The following CCDC91 variants were observed in gnomAD, a reference collection of about 807,000 sequenced individuals.
The protein encoded by CCDC91 is coiled-coil domain-containing protein 91.
In CCDC91, 48 loss-of-function variants were observed where a neutral mutation model predicts 63.2. The observed-to-expected ratio is 0.76, with a 90% CI of 0.60 to 0.97. The LOEUF (loss-of-function observed/expected upper bound fraction) is 0.97. CCDC91 is among the 50% of genes least tolerant of loss of function. The probability of loss-of-function intolerance (pLI) is 0.00; values close to 1 mark genes in which losing one functional copy is unlikely to be tolerated. For missense variants in CCDC91, 500 were observed against 494.6 expected, an observed-to-expected ratio of 1.01 and a Z score of -0.10; for synonymous variants, 167 against 165.8, an observed-to-expected ratio of 1.01 and a Z score of -0.06.
chr12:28,259,874 T>C (rs1202656702), intron 3 of CCDC91, among the ~76,000 whole-genome samples: 1 of 151,902 alleles, frequency 6.6e-6, no homozygotes, highest in African/African-American at 2.4e-5. Context: ...AAATTAAAAA[T>C]TAAATACAAA....
At chr12:28,351,378 A>G (rs1312724533) in intron 6 of CCDC91, among the ~76,000 whole-genome samples, 4 of 152,244 alleles carry the variant, frequency 2.6e-5, no homozygotes, top group Admixed American at 2.6e-4. Context: ...AGGAAAATTC[A>G]TTAGGTTTCA....
intron 1 of CCDC91, among the ~76,000 whole-genome samples, chr12:28,244,528 C>T (rs986045304): frequency 1.4e-4 from 6 of 41,684 alleles, no homozygotes; most frequent in African/African-American, 2.8e-4. Context: ...TTTTTTTTTA[C>T]AGCTCTACTC....
chr12:28,354,784 A>G (rs1461910647), intron 6 of CCDC91, among the ~76,000 whole-genome samples: 1 of 152,180 alleles, frequency 6.6e-6, no homozygotes. Context: ...ATACAATATT[A>G]CAAGAATTCT....
intron 1 of CCDC91, among the ~76,000 whole-genome samples, chr12:28,244,686 T>C (rs1005738383): frequency 3.3e-5 from 5 of 151,562 alleles, no homozygotes; most frequent in African/African-American, 1.2e-4. Context: ...AGGCAGTCAG[T>C]TGGAAAACTT....
intron 12 of CCDC91, among the ~76,000 whole-genome samples, chr12:28,521,916 A>G (rs1014544729): frequency 3.9e-5 from 6 of 152,140 alleles, no homozygotes; most frequent in Non-Finnish European, 7.3e-5. Context: ...CATCCCAGGG[A>G]TGAAGCCAAC....
At chr12:28,528,919 A>G (rs1348721944) in intron 12 of CCDC91, among the ~76,000 whole-genome samples, 1 of 152,180 alleles carries the variant, frequency 6.6e-6, no homozygotes, top group African/African-American at 2.4e-5. Context: ...CATTAAAAGA[A>G]TGATATTTAT....
At chr12:28,292,438 G>A (rs1284356877) in intron 3 of CCDC91, among the ~76,000 whole-genome samples, 1 of 152,112 alleles carries the variant, frequency 6.6e-6, no homozygotes, top group Non-Finnish European at 1.5e-5. Context: ...TCATTTAAGA[G>A]TTTAGGTGTC....
chr12:28,335,842 G>T (rs1941935687), intron 6 of CCDC91, among the ~76,000 whole-genome samples: 1 of 149,874 alleles, frequency 6.7e-6, no homozygotes, highest in African/African-American at 2.5e-5. Context: ...TTAACTCTGT[G>T]TTACCATATG....
At chr12:28,364,799 T>C (rs1297304020) in intron 7 of CCDC91, among the ~76,000 whole-genome samples, 1 of 152,248 alleles carries the variant, frequency 6.6e-6, no homozygotes, top group Non-Finnish European at 1.5e-5. Flanking sequence ...TGTTCTGTAA[T>C]GTACCACAAA....
intron 1 of CCDC91, among the ~76,000 whole-genome samples, chr12:28,194,028 G>C (rs1182772858): frequency 6.6e-6 from 1 of 152,184 alleles, no homozygotes; most frequent in African/African-American, 2.4e-5. Flanking sequence ...ATCTTTCAAA[G>C]AGCAGAAGTT....
chr12:28,252,195 C>T (rs1370668092), intron 1 of CCDC91, among the ~76,000 whole-genome samples: 2 of 152,118 alleles, frequency 1.3e-5, no homozygotes, highest in African/African-American at 4.8e-5. Context: ...CCTATTTTCT[C>T]TCTGGAAGCT....
At chr12:28,511,025 A>C (rs1939316454) in intron 12 of CCDC91, among the ~76,000 whole-genome samples, 1 of 151,912 alleles carries the variant, frequency 6.6e-6, no homozygotes, top group Non-Finnish European at 1.5e-5. Context: ...AAGTCTTCTG[A>C]AAAGGTCGAC....
intron 1 of CCDC91, among the ~76,000 whole-genome samples, chr12:28,244,045 A>G (rs1421493712): frequency 6.6e-6 from 1 of 152,226 alleles, no homozygotes; most frequent in Non-Finnish European, 1.5e-5. Context: ...ATTGAAACCA[A>G]CATTTAAAGA....
At chr12:28,477,221 A>G (rs1018407896) in intron 11 of CCDC91, among the ~76,000 whole-genome samples, 3 of 152,212 alleles carry the variant, frequency 2.0e-5, no homozygotes, top group African/African-American at 7.2e-5. Flanking sequence ...AAAGTCCTCA[A>G]TAAAATACTG....
intron 6 of CCDC91, among the ~76,000 whole-genome samples, chr12:28,330,799 C>A (rs1941438271): frequency 6.6e-6 from 1 of 152,224 alleles, no homozygotes; most frequent in Non-Finnish European, 1.5e-5. Flanking sequence ...AAATACTACA[C>A]TTTAGATTAT....
chr12:28,318,560 A>G (rs1351743273), intron 6 of CCDC91, among the ~76,000 whole-genome samples: 4 of 151,892 alleles, frequency 2.6e-5, no homozygotes, highest in African/African-American at 9.7e-5. Flanking sequence ...TTCTTTTTCA[A>G]TTATTTGTTA....
chr12:28,401,955 A>G (rs536943706), intron 8 of CCDC91, among the ~76,000 whole-genome samples: 4 of 152,300 alleles, frequency 2.6e-5, no homozygotes, highest in Admixed American at 1.3e-4. Flanking sequence ...CTGCCAGTCT[A>G]TTCCAATACC....
chr12:28,294,164 G>GAC (rs900927360), intron 3 of CCDC91, among the ~76,000 whole-genome samples: 4 of 152,090 alleles, frequency 2.6e-5, no homozygotes, highest in African/African-American at 4.8e-5. Context: ...GAAATAAGTT[G>GAC]ACACACACAC....
chr12:28,286,586 C>T (rs1458554197), intron 3 of CCDC91, among the ~76,000 whole-genome samples: 1 of 152,202 alleles, frequency 6.6e-6, no homozygotes, highest in African/African-American at 2.4e-5. Context: ...GTACATATAA[C>T]ACATTTTTAA....
Sources: allele counts gnomAD v4.1 joint callset (sites outside exome capture counted in the v4.1 genomes callset), GRCh38; gene constraint gnomAD v4.1.1; transcripts MANE v1.5; gene names NCBI Gene and HGNC (gene_info 2026-07-23, HGNC 2026-07-21).